APC: variants seen among roughly 807,000 people sequenced by gnomAD.
APC encodes the protein APC regulator of Wnt signaling pathway, also known as adenomatous polyposis coli protein.
APC carries 72 observed loss-of-function variants against 247.0 expected under a neutral mutation model. The observed-to-expected ratio is 0.29, with a 90% CI of 0.24 to 0.35. APC has a LOEUF of 0.35. Among genes scored for constraint, APC ranks in the 10% least tolerant of loss-of-function variants. APC has a pLI of 1.00. For missense variants in APC, 3,400 were observed against 3,360.7 expected, an observed-to-expected ratio of 1.01 and a Z score of -0.29; for synonymous variants, 1,254 against 1,162.5, an observed-to-expected ratio of 1.08 and a Z score of -1.60.
chr5:112,832,372 A>T (rs929647736), intron 14 of APC, among the ~76,000 whole-genome samples: 40 of 152,280 alleles, frequency 2.6e-4, no homozygotes, highest in African/African-American at 8.7e-4. Context: ...ATCTTGATTG[A>T]TGTGAGAAGG....
rs1263640330 is a variant in APC, at chr5:112,842,042, C to G, written c.6448C>G (p.Leu2150Val). ...SGISLGSPFH[L>V]TPDQEEKPFT... ...AATCTCTCTGGGATCACCATTTCAT[C>G]TTACACCTGATCAAGAAGAAAAACC... The change falls in exon 16 of 16, where the codon CTT becomes GTT. Residue 2150 changes from leucine to valine, a missense_variant. Physicochemically the swap from Leu to Val is conservative, Grantham distance 32 (BLOSUM62 1). Transcript: ENST00000257430. 1.9e-6 allele frequency: 3 copies of G among 1,613,354 alleles called. No homozygotes were observed. Among genetic ancestry groups the G allele is most frequent in the Non-Finnish European group, 2.5e-6 (3 of 1,179,324 alleles).
chr5:112,744,023 A>G (rs1264101954), intron 1 of APC, among the ~76,000 whole-genome samples: 2 of 151,752 alleles, frequency 1.3e-5, no homozygotes, highest in South Asian at 2.1e-4. Context: ...TTTTTTTTTC[A>G]TAAGGAGAGA....
chr5:112,792,728 A>G (rs114590134), intron 7 of APC, among the ~76,000 whole-genome samples, 199 bp downstream of exon 7: 128 of 152,356 alleles, frequency 8.4e-4, no homozygotes, highest in African/African-American at 3.0e-3. Context: ...GGCAGTTAAA[A>G]TTTATAAAAC....
chr5:112,819,388 A>C, intron 10 of APC, 44 bp downstream of exon 10: 2 of 1,613,212 alleles, frequency 1.2e-6, no homozygotes, highest in Non-Finnish European at 1.7e-6. Flanking sequence ...TTTCAAAGCA[A>C]ATGTGAAATT....
intron 1 of APC, among the ~76,000 whole-genome samples, chr5:112,716,392 G>A (rs1326364937): frequency 6.6e-6 from 1 of 152,064 alleles, no homozygotes; most frequent in Non-Finnish European, 1.5e-5. Flanking sequence ...AGATTTTCCA[G>A]TTATTTTGTT....
intron 5 of APC, among the ~76,000 whole-genome samples, chr5:112,779,152 T>TAAGG (rs969201192): frequency 2.0e-5 from 3 of 152,154 alleles, no homozygotes; most frequent in Non-Finnish European, 4.4e-5. Context: ...TCCTGGGAAT[T>TAAGG]AAGGAGCACA....
At chr5:112,712,975 A>G (rs531192547) in intron 1 of APC, among the ~76,000 whole-genome samples, 185 of 152,226 alleles carry the variant, frequency 1.2e-3, no homozygotes, top group African/African-American at 4.2e-3. Flanking sequence ...GTTTGAGACC[A>G]GCCTGGCTAA....
At chr5:112,827,622 A>C (rs1763835081) in intron 12 of APC, among the ~76,000 whole-genome samples, 1 of 152,250 alleles carries the variant, frequency 6.6e-6, no homozygotes, top group South Asian at 2.1e-4. Context: ...CTTAAGACCA[A>C]GGCAAGTGTT....
At position 112,837,862 on chromosome 5, in the gene APC, A is replaced by G. The variant is rs1306997303; in HGVS notation, c.2268A>G (p.Lys756=). 2 of 1,613,996 alleles carry G rather than the reference A, an allele frequency of 1.2e-6. No homozygotes were observed. Among genetic ancestry groups the G allele is most frequent in the Non-Finnish European group, 1.7e-6 (2 of 1,180,038 alleles). ...GSSLPSLHVR[K]QKALEAELDA... ...GCTTGCCATCTCTTCATGTTAGGAA[A>G]CAAAAAGCCCTAGAAGCAGAATTAG... is the stretch of plus-strand genomic sequence containing the variant. Residue 756 remains lysine, a synonymous_variant, in exon 16 of 16, where the codon AAA becomes AAG. Transcript: ENST00000257430.
At chr5:112,785,210 A>G (rs1413250690) in intron 6 of APC, among the ~76,000 whole-genome samples, 1 of 152,200 alleles carries the variant, frequency 6.6e-6, no homozygotes, top group South Asian at 2.1e-4. Flanking sequence ...TGAATCCTAC[A>G]CTATTTTTGA....
chr5:112,799,636 A>T (rs1580449178), intron 7 of APC, among the ~76,000 whole-genome samples: 2 of 152,338 alleles, frequency 1.3e-5, no homozygotes, highest in African/African-American at 2.4e-5. Flanking sequence ...AGTATTAATT[A>T]TGTGGGGGCA....
intron 1 of APC, among the ~76,000 whole-genome samples, chr5:112,746,386 GAT>G (rs1451928971): frequency 6.6e-6 from 1 of 152,054 alleles, no homozygotes; most frequent in Non-Finnish European, 1.5e-5. Context: ...AAAAAGATGA[GAT>G]AGCATAAGCT....
chr5:112,836,033 T>C (rs1288234814), intron 15 of APC, among the ~76,000 whole-genome samples: 3 of 117,578 alleles, frequency 2.6e-5, no homozygotes, highest in Non-Finnish European at 3.5e-5. Flanking sequence ...TTTTTTTTTT[T>C]TTCTTGAGAT....
At chr5:112,724,851 A>T (rs142407966) in intron 1 of APC, among the ~76,000 whole-genome samples, 1 of 152,324 alleles carries the variant, frequency 6.6e-6, no homozygotes, top group Non-Finnish European at 1.5e-5. Flanking sequence ...TGAAGAGCCA[A>T]GGCCATAAAG....
At chr5:112,798,661 A>G (rs1760463420) in intron 7 of APC, among the ~76,000 whole-genome samples, 1 of 152,250 alleles carries the variant, frequency 6.6e-6, no homozygotes, top group African/African-American at 2.4e-5. Flanking sequence ...CTTTCATAAT[A>G]GTGAACAACC....
intron 1 of APC, among the ~76,000 whole-genome samples, chr5:112,746,518 CTG>C (rs1753699988): frequency 1.3e-5 from 2 of 152,006 alleles, no homozygotes; most frequent in Non-Finnish European, 1.5e-5. Flanking sequence ...ACATGAACAA[CTG>C]GGGTTTATTT....
intron 10 of APC, among the ~76,000 whole-genome samples, chr5:112,820,182 G>GAC (rs111788809): frequency 0.11 from 15,279 of 143,186 alleles, 1,235 homozygotes; most frequent in African/African-American, 0.23. Flanking sequence ...GATAAGAACT[G>GAC]ACACACACAC....
At chr5:112,768,823 G>A (rs1019108187) in intron 4 of APC, among the ~76,000 whole-genome samples, 3 of 151,224 alleles carry the variant, frequency 2.0e-5, no homozygotes, top group Admixed American at 6.6e-5. Flanking sequence ...GTACAGTAGC[G>A]TAGAACACAG....
At chr5:112,749,479 A>ATTTTTTTTTTT (rs536428390) in intron 1 of APC, among the ~76,000 whole-genome samples, 4 of 104,066 alleles carry the variant, frequency 3.8e-5, no homozygotes, top group Non-Finnish European at 5.6e-5. Flanking sequence ...TACTGCTCCA[A>ATTTTTTTTTTT]TTTTTTTTTT....
Sources: allele counts gnomAD v4.1 joint callset (sites outside exome capture counted in the v4.1 genomes callset), GRCh38; gene constraint gnomAD v4.1.1; transcripts MANE v1.5; gene names NCBI Gene and HGNC (gene_info 2026-07-23, HGNC 2026-07-21).